The following LRRFIP1 variants were observed in gnomAD, a reference collection of about 807,000 sequenced individuals.
LRRFIP1 encodes the protein LRR binding FLII interacting protein 1.
Under a neutral mutation model 104.4 loss-of-function variants are expected in LRRFIP1, and 62 were observed. The observed-to-expected ratio is 0.59, with a 90% confidence interval of 0.48 to 0.73. LRRFIP1 has a LOEUF of 0.73. LRRFIP1 is among the 30% of genes least tolerant of loss of function. LRRFIP1 has a pLI of 0.00. For synonymous variants in LRRFIP1, 300 were observed against 299.0 expected (o/e 1.00, Z -0.03); for missense variants, 796 against 824.5 (o/e 0.97, Z 0.42).
chr2:237,692,586 T>G, intron 1 of LRRFIP1: 1 of 1,443,622 alleles, frequency 6.9e-7, no homozygotes, highest in South Asian at 1.4e-5. Context: ...GGCTTCCAGC[T>G]CGTTCCGAGG....
At chr2:237,687,441 C>T (rs1335866853) in intron 1 of LRRFIP1, among the ~76,000 whole-genome samples, 4 of 151,848 alleles carry the variant, frequency 2.6e-5, no homozygotes, top group Non-Finnish European at 4.4e-5. Flanking sequence ...CCCATCTCTA[C>T]TAAAAATACA....
chr2:237,718,483 G>A (rs1280157824), intron 4 of LRRFIP1, among the ~76,000 whole-genome samples: 1 of 152,170 alleles, frequency 6.6e-6, no homozygotes, highest in Non-Finnish European at 1.5e-5. Flanking sequence ...TTCTCAGGAA[G>A]CAGCGGCACC....
At chr2:237,639,692 T>A (rs2083634946) in intron 1 of LRRFIP1, among the ~76,000 whole-genome samples, 1 of 152,198 alleles carries the variant, frequency 6.6e-6, no homozygotes, top group Non-Finnish European at 1.5e-5. Flanking sequence ...TGAGATGAGG[T>A]GATGACCACA....
intron 1 of LRRFIP1, chr2:237,683,570 A>T (rs2092063268): frequency 6.6e-6 from 1 of 152,204 alleles, no homozygotes; most frequent in African/African-American, 2.4e-5. Context: ...CATTTTTTGT[A>T]CTCGAATAGT....
Position 237,749,315 on chromosome 2 carries a change from G to A in LRRFIP1, c.786G>A (p.Arg262=). ...CCATCGACACCGAGGCATCCATCAG[G>A]GAAATCAAGGTGAGATGCTCTCTTC... ...SISIDTEASI[R]EIKELNELKD... The change falls in exon 13 of 24, where the codon AGG becomes AGA. Residue 262 remains arginine, a synonymous_variant. Transcript: ENST00000308482. The A allele has an allele frequency of 6.2e-7, 1 of 1,613,520 alleles. No individual in the cohort carries two copies.
intron 19 of LRRFIP1, among the ~76,000 whole-genome samples, chr2:237,767,437 A>C (rs552751089): frequency 6.6e-6 from 1 of 152,228 alleles, no homozygotes; most frequent in Non-Finnish European, 1.5e-5. Context: ...AAACCAGAAC[A>C]TAGCTCCCGT....
chr2:237,692,173 G>C (rs956916832), intron 1 of LRRFIP1: 1 of 1,022,496 alleles, frequency 9.8e-7, no homozygotes. Context: ...GCCGTGGGAC[G>C]GGCGGAGGCG....
intron 2 of LRRFIP1, 155 bp downstream of exon 2, chr2:237,708,785 A>G (rs925843815): frequency 3.5e-6 from 3 of 848,842 alleles, no homozygotes; most frequent in Non-Finnish European, 5.9e-6. Flanking sequence ...GCCCAAGGTC[A>G]GGCCAGGAGT....
At chr2:237,761,485 A>C (rs569444214) in intron 19 of LRRFIP1, among the ~76,000 whole-genome samples, 1 of 152,382 alleles carries the variant, frequency 6.6e-6, no homozygotes, top group East Asian at 1.9e-4. Context: ...TCAAATACAC[A>C]TTTTATAAAT....
At chr2:237,773,878 G>A (rs751098635) in intron 22 of LRRFIP1, 3 of 158,428 alleles carry the variant, frequency 1.9e-5, no homozygotes, top group Non-Finnish European at 4.2e-5. Flanking sequence ...GCAGGCCTTC[G>A]CTGCTGCCGT....
chr2:237,642,088 C>T lies in LRRFIP1; in HGVS notation c.96+14348C>T, dbSNP rs1027109710. On this transcript the variant is annotated intron_variant, in intron 1 of 23. Coordinates refer to ENST00000308482, the MANE Select transcript of LRRFIP1 (RefSeq NM_001137550.2). ...CGGCCAGGCGACCTCCTCAGACAAG[C>T]GACAAGCATCTCTGAGTCTCAGTGT... 2.0e-5 allele frequency among the ~76,000 whole-genome samples: 3 copies of T among 152,136 alleles called. 1 individual carries two copies. Among genetic ancestry groups the T allele is most frequent in the African/African-American group, 4.8e-5 (2 of 41,416 alleles).
intron 1 of LRRFIP1, among the ~76,000 whole-genome samples, chr2:237,655,502 T>C (rs934770471): frequency 1.3e-5 from 2 of 152,188 alleles, no homozygotes; most frequent in African/African-American, 2.4e-5. Flanking sequence ...AGTGCCAATA[T>C]AGATGACTCT....
rs773571581 is a variant in LRRFIP1 at position 237,708,592 on chromosome 2, G to A, written c.145G>A (p.Glu49Lys). 3.5e-5 allele frequency: 56 copies of A among 1,600,406 alleles called. No homozygotes were observed. The highest frequency in any genetic ancestry group is 4.2e-5 in the Non-Finnish European group (49 of 1,171,582). Residue 49 changes from glutamate (E) to lysine (K), a missense_variant, in exon 2 of 24, where the codon GAG becomes AAG. Transcript: ENST00000308482. ...ACGGGCGGCCCGCGCGGAGGCTCGCGAGATCCGCATGAAGGAGCTGGAGCG... is the reference window on the plus strand; with the variant it reads ...ACGGGCGGCCCGCGCGGAGGCTCGCAAGATCCGCATGAAGGAGCTGGAGCG... ...AKRAARAEAR[E>K]IRMKELERQQ...
At chr2:237,757,652 A>G in intron 17 of LRRFIP1, 104 bp downstream of exon 17, 1 of 741,122 alleles carries the variant, frequency 1.3e-6, no homozygotes, top group Non-Finnish European at 2.3e-6. Context: ...CTGAGTATGC[A>G]TGCAACTCCC....
chr2:237,734,279 T>TTG (rs1249866989), intron 9 of LRRFIP1, among the ~76,000 whole-genome samples: 1 of 126,898 alleles, frequency 7.9e-6, no homozygotes, highest in Non-Finnish European at 1.8e-5. Context: ...TAACCTTTTT[T>TTG]TTTTTTTTTT....
chr2:237,676,900 T>C (rs574350140), intron 1 of LRRFIP1, among the ~76,000 whole-genome samples: 2 of 152,364 alleles, frequency 1.3e-5, no homozygotes, highest in South Asian at 4.1e-4. Flanking sequence ...TGATTTCACG[T>C]GGAGTCTGTT....
intron 19 of LRRFIP1, chr2:237,763,172 G>A (rs778287673): frequency 1.2e-6 from 2 of 1,614,174 alleles, no homozygotes; most frequent in Non-Finnish European, 1.7e-6. Context: ...GCCCAAGGAG[G>A]TTCCAGCGCA....
chr2:237,710,806 G>A (rs1003680341), intron 2 of LRRFIP1, among the ~76,000 whole-genome samples: 1 of 152,158 alleles, frequency 6.6e-6, no homozygotes, highest in African/African-American at 2.4e-5. Context: ...TTGAAAGGAA[G>A]CCCTTTTCTG....
chr2:237,643,188 G>A (rs543384340), intron 1 of LRRFIP1, among the ~76,000 whole-genome samples: 1 of 152,380 alleles, frequency 6.6e-6, no homozygotes. Flanking sequence ...ATGGGCCACA[G>A]GGCCGCCGCG....
Sources: gnomAD v4.1 joint callset for allele counts (sites outside exome capture counted in the v4.1 genomes callset) on GRCh38, gnomAD v4.1.1 for gene constraint, MANE v1.5 for transcripts, NCBI Gene and HGNC (gene_info 2026-07-23, HGNC 2026-07-21) for gene names.